PAK4: variants seen among roughly 807,000 people sequenced by gnomAD.
PAK4 encodes serine/threonine-protein kinase PAK 4.
Under a neutral mutation model 53.5 loss-of-function variants are expected in PAK4, and 49 were observed. The ratio of observed to expected loss-of-function variants is 0.92; its 90% confidence interval spans 0.73 to 1.16. The LOEUF (loss-of-function observed/expected upper bound fraction) is 1.16, where lower values mean the gene tolerates loss of function less well. Ranked by LOEUF, PAK4 falls within the 50% of genes most tolerant of loss-of-function variation. PAK4 has a pLI of 0.00. For missense variants in PAK4, 824 were observed against 850.7 expected (o/e 0.97, Z 0.39); for synonymous variants, 376 against 375.6 (o/e 1.00, Z -0.01).
At chr19:39,176,743 C>G (rs779499739) in intron 7 of PAK4, 28 bp downstream of exon 8, 13 of 1,602,560 alleles carry the variant, frequency 8.1e-6, no homozygotes, top group Non-Finnish European at 1.1e-5. Flanking sequence ...TTGGTTGTCC[C>G]GCCGTGGACA....
intron 1 of PAK4, among the ~76,000 whole-genome samples, chr19:39,164,883 T>C (rs921011330): frequency 2.0e-5 from 3 of 152,032 alleles, no homozygotes; most frequent in African/African-American, 4.8e-5. Context: ...GTGGTGGCGA[T>C]GGTGGTGGGA....
chr19:39,178,832 C>T lies in PAK4; in HGVS notation c.*253C>T, dbSNP rs3752161. ...CCACCCTCTGGGACAGGCCCTCCCC[C>T]ATGTTCTTCTGTCTCCAGGAAGGGC... On this transcript the variant is annotated 3_prime_UTR_variant, in exon 9 of 9. Coordinates refer to ENST00000358301, the Ensembl canonical transcript of PAK4. The surrounding 1 kb of genome is among the most constrained non-coding windows in gnomAD (Gnocchi z 4.4). 1.2e-4 allele frequency: 55 copies of T among 459,072 alleles called. No homozygotes were observed. In the East Asian group the frequency reaches 1.7e-3, roughly 14 times the overall value. The allele number at this position is 459,072 out of a possible 1,614,324, so 28.4% of individuals were successfully genotyped here.
intron 1 of PAK4, among the ~76,000 whole-genome samples, chr19:39,138,519 C>T (rs948109719): frequency 2.6e-5 from 4 of 152,176 alleles, no homozygotes; most frequent in Non-Finnish European, 4.4e-5. Flanking sequence ...CTTTTCCAGC[C>T]GACGCCTTGC....
At position 39,178,888 on chromosome 19, in the gene PAK4, T is replaced by C. The variant is rs1483267730; in HGVS notation, c.*309T>C. On this transcript the variant is annotated 3_prime_UTR_variant, in exon 9 of 9. Coordinates refer to ENST00000358301, the Ensembl canonical transcript of PAK4. The surrounding 1 kb of genome is among the most constrained non-coding windows in gnomAD (Gnocchi z 4.4). ...CCCTCCCATCACTGGAAGTCTGCAG[T>C]GGGGGTCGCTGGGGGTGGAGAGAAC... 2.9e-6 allele frequency: 1 copy of C among 342,502 alleles called. No individual in the cohort carries two copies. Among genetic ancestry groups the C allele is most frequent in the African/African-American group, 2.2e-5 (1 of 45,980 alleles). 21.2% of individuals were successfully genotyped at this position (342,502 alleles called of 1,614,324 possible).
At chr19:39,152,488 T>G (rs1395334904) in intron 1 of PAK4, 3 of 152,090 alleles carry the variant, frequency 2.0e-5, no homozygotes, top group Non-Finnish European at 4.4e-5. Context: ...GTGCTTCCTT[T>G]AAGTGAAAAA....
chr19:39,139,874 G>A (rs1013869167), intron 1 of PAK4, among the ~76,000 whole-genome samples: 1 of 152,114 alleles, frequency 6.6e-6, no homozygotes, highest in African/African-American at 2.4e-5. Context: ...CTGGAGTGAG[G>A]GCTGCTGGCC....
intron 1 of PAK4, among the ~76,000 whole-genome samples, chr19:39,146,571 C>T (rs2074002162): frequency 6.6e-6 from 1 of 152,194 alleles, no homozygotes; most frequent in Admixed American, 6.5e-5. Flanking sequence ...GGCGCAGTGG[C>T]TCACGCCTGT....
In PAK4 at chr19:39,176,128, C is replaced by G. The variant is rs564751555; in HGVS notation, c.1360-462C>G. On this transcript the variant is annotated intron_variant, in intron 6 of 8. Coordinates refer to ENST00000358301, the Ensembl canonical transcript of PAK4. The stretch of plus-strand genomic sequence containing the variant: ...AAATCCTCAAAAATCGGAAAGGGAC[C>G]CACAGTTCCTAAGAAGGTGTGAGAG... Among the ~76,000 whole-genome samples, 86 of 152,316 alleles carry G rather than the reference C, an allele frequency of 5.6e-4. 1 individual carries two copies. In the South Asian group the frequency reaches 0.017, roughly 30 times the overall value.
chr19:39,155,590 G>A (rs1309379958), intron 1 of PAK4, among the ~76,000 whole-genome samples: 3 of 152,182 alleles, frequency 2.0e-5, no homozygotes, highest in African/African-American at 4.8e-5. Flanking sequence ...GCTCTGCCTC[G>A]GGCCAGCCTT....
Position 39,173,085 on chromosome 19 carries a change from G to T in PAK4, c.372G>T (p.Thr124=), listed in dbSNP as rs115339655. 5.8e-6 allele frequency: 9 copies of T among 1,548,548 alleles called. No individual in the cohort carries two copies. Among genetic ancestry groups the T allele is most frequent in the South Asian group, 3.6e-5 (3 of 83,932 alleles). The change falls in exon 3 of 9, where the codon ACG becomes ACT. Residue 124 remains threonine (T), a synonymous_variant. Coordinates refer to ENST00000358301, the Ensembl canonical transcript of PAK4. This position sits in a 1 kb window ranked among gnomAD's most constrained non-coding sequence, Gnocchi z 6.9. Reference sequence around the variant, plus strand: ...GGATGCCAGAGGAGCCGGCCACCACGGCCAGAGGGGGCCCAGGGAAGGCAG... The same window carrying T: ...GGATGCCAGAGGAGCCGGCCACCACTGCCAGAGGGGGCCCAGGGAAGGCAG...
At chr19:39,162,930 G>T (rs2144779670) in intron 1 of PAK4, among the ~76,000 whole-genome samples, 1 of 152,264 alleles carries the variant, frequency 6.6e-6, no homozygotes, top group African/African-American at 2.4e-5. Flanking sequence ...GAGGAACGAG[G>T]CTCAGTGTGG....
chr19:39,153,985 T>TA (rs1324971063), intron 1 of PAK4, among the ~76,000 whole-genome samples: 1 of 152,166 alleles, frequency 6.6e-6, no homozygotes, highest in Non-Finnish European at 1.5e-5. Flanking sequence ...CTTTGAACCT[T>TA]AAAGTCCGAG....
chr19:39,182,352 G>C (rs892442897), downstream of PAK4: 4 of 152,218 alleles, frequency 2.6e-5, no homozygotes, highest in African/African-American at 9.6e-5. Flanking sequence ...TGTAGTGTTT[G>C]TGTGTGTCTA....
intron 2 of PAK4, among the ~76,000 whole-genome samples, chr19:39,170,472 TAA>T (rs1205519311): frequency 6.6e-6 from 1 of 152,096 alleles, no homozygotes; most frequent in Non-Finnish European, 1.5e-5. Context: ...TGTGAAATCA[TAA>T]GAGTTGTGGA....
At chr19:39,148,466 C>T (rs1472550927) in intron 1 of PAK4, among the ~76,000 whole-genome samples, 95 of 56,788 alleles carry the variant, frequency 1.7e-3, no homozygotes, top group African/African-American at 2.1e-3. Flanking sequence ...GTTTCTTCTG[C>T]TTTTTTTTTT....
chr19:39,156,218 C>T (rs1350645784), intron 1 of PAK4, among the ~76,000 whole-genome samples: 1 of 152,122 alleles, frequency 6.6e-6, no homozygotes, highest in African/African-American at 2.4e-5. Flanking sequence ...CAGCCTTGGT[C>T]GGGGTGGAGG....
rs531961013 is a variant in PAK4 at position 39,163,375 on chromosome 19, C to T, written c.-22-6157C>T. ...GCCCCCTCCCTTCCAGGGGCAGCAG[C>T]TTTGATCAGAGCCTGGAGGGGGCGG... is the stretch of plus-strand genomic sequence containing the variant. On this transcript the variant is annotated intron_variant, in intron 1 of 8. Transcript: ENST00000358301. Among the ~76,000 whole-genome samples, 8 of 152,318 alleles carry T rather than the reference C, an allele frequency of 5.3e-5. No individual in the cohort carries two copies. The East Asian group carries it at 1.4e-3, about 26-fold the overall frequency.
exon 8 of PAK4, chr19:39,177,720 G>C: frequency 1.2e-6 from 2 of 1,613,612 alleles, no homozygotes; most frequent in Non-Finnish European, 1.7e-6. Context: ...GATGGTGGAC[G>C]GAGAGCCCCC....
chr19:39,173,258 G>A lies in PAK4; in HGVS notation c.545G>A (p.Gly182Glu). 6.3e-7 allele frequency: 1 copy of A among 1,595,044 alleles called. No homozygotes were observed. The highest frequency in any genetic ancestry group is 8.5e-7 in the Non-Finnish European group (1 of 1,171,884). The change falls in exon 3 of 9, where the codon GGG becomes GAG. Residue 182 changes from glycine to glutamate, a missense_variant. Gly to Glu is a moderately conservative substitution (Grantham distance 98). Coordinates refer to ENST00000358301, the Ensembl canonical transcript of PAK4. The surrounding 1 kb of genome is among the most constrained non-coding windows in gnomAD (Gnocchi z 6.9). ...TCCCGGGACAAACGCCCCCTCTCCGGGCCTGATGTCGGCACCCCCCAGCCT... is the reference window on the plus strand; with the variant it reads ...TCCCGGGACAAACGCCCCCTCTCCGAGCCTGATGTCGGCACCCCCCAGCCT...
Sources: gnomAD v4.1 joint callset for allele counts (sites outside exome capture counted in the v4.1 genomes callset) on GRCh38, gnomAD v4.1.1 for gene constraint, Gnocchi (gnomAD v3.1) non-coding constraint, MANE v1.5 for transcripts, NCBI Gene and HGNC (gene_info 2026-07-23, HGNC 2026-07-21) for gene names.